Variants in HMCN1 observed in about 807,000 individuals in gnomAD.
HMCN1 encodes the protein hemicentin-1.
Under a neutral mutation model 625.9 loss-of-function variants are expected in HMCN1, and 321 were observed. The ratio of observed to expected loss-of-function variants is 0.51; its 90% CI spans 0.47 to 0.56. The LOEUF (loss-of-function observed/expected upper bound fraction) is 0.56, where lower values mean the gene tolerates loss of function less well. Ranked by LOEUF, HMCN1 falls within the 20% of genes least tolerant of loss-of-function variation. HMCN1 has a pLI of 0.00. For missense variants in HMCN1, 6,588 were observed against 6,887.3 expected, an observed-to-expected ratio of 0.96 and a Z score of 1.54; for synonymous variants, 2,425 against 2,417.6, an observed-to-expected ratio of 1.00 and a Z score of -0.09.
intron 91 of HMCN1, 122 bp downstream of exon 91, chr1:186,144,825 T>A: frequency 8.7e-7 from 1 of 1,149,824 alleles, no homozygotes; most frequent in South Asian, 1.3e-5. Context: ...GATGTCAGAA[T>A]GTTGTAAGGT....
intron 35 of HMCN1, among the ~76,000 whole-genome samples, chr1:186,021,268 G>A (rs1233947704): frequency 1.3e-5 from 2 of 152,180 alleles, no homozygotes; most frequent in South Asian, 4.2e-4. Flanking sequence ...TGCATGGCTA[G>A]TGTTGCCATA....
rs1442901553 is a variant in HMCN1, at chr1:185,734,536, A to C, written c.-244A>C. The C allele has an allele frequency of 1.9e-6, 1 of 515,548 alleles. No individual in the cohort carries two copies. Among genetic ancestry groups the C allele is most frequent in the Non-Finnish European group, 3.5e-6 (1 of 287,218 alleles). 31.9% of individuals were successfully genotyped at this position (515,548 alleles called of 1,614,324 possible). A position where few individuals can be genotyped will look rare whatever the true frequency, so the allele number is the denominator to read the frequency against. ...CAGGCTGTCCAGGGCCCGCGGGCAGATAGCAGTCCAGGAGGAAGCCGCATC... is the reference window on the plus strand; with the variant it reads ...CAGGCTGTCCAGGGCCCGCGGGCAGCTAGCAGTCCAGGAGGAAGCCGCATC... On this transcript the variant is annotated 5_prime_UTR_variant, in exon 1 of 107. Coordinates refer to ENST00000271588, the MANE Select transcript of HMCN1 (RefSeq NM_031935.3).
At chr1:185,960,101 A>C (rs1222540994) in intron 11 of HMCN1, among the ~76,000 whole-genome samples, 2 of 150,498 alleles carry the variant, frequency 1.3e-5, no homozygotes, top group Non-Finnish European at 3.0e-5. Flanking sequence ...TCATGTTCTA[A>C]GTATCTTATC....
At chr1:186,141,985 CTG>C (rs1649993388) in intron 89 of HMCN1, among the ~76,000 whole-genome samples, 1 of 152,140 alleles carries the variant, frequency 6.6e-6, no homozygotes, top group Non-Finnish European at 1.5e-5. Flanking sequence ...ACTAATCCCT[CTG>C]TAGTTTTTTA....
chr1:185,748,582 G>A (rs11583867), intron 1 of HMCN1, among the ~76,000 whole-genome samples: 36,466 of 151,996 alleles, frequency 0.24, 4,641 homozygotes, highest in Non-Finnish European at 0.28. Flanking sequence ...AAAATTAACA[G>A]GGGATTTGAT....
In HMCN1 at chr1:186,136,362, T is replaced by G. The variant is rs764032614; in HGVS notation, c.13313-306T>G. On this transcript the variant is annotated intron_variant, in intron 86 of 106. Coordinates refer to ENST00000271588, the MANE Select transcript of HMCN1 (RefSeq NM_031935.3). ...GGAATCCTCTGAAGTAGGCACCATT[T>G]TTAAGGACATGGGGCTCAGAGAGGT... Among the ~76,000 whole-genome samples, 59 of 152,158 alleles carry G rather than the reference T, an allele frequency of 3.9e-4. 1 individual carries two copies. Among genetic ancestry groups the G allele is most frequent in the Non-Finnish European group, 1.8e-4 (12 of 68,034 alleles).
At chr1:185,983,165 C>T (rs895074632) in intron 18 of HMCN1, among the ~76,000 whole-genome samples, 7 of 151,828 alleles carry the variant, frequency 4.6e-5, no homozygotes, top group Non-Finnish European at 8.8e-5. Context: ...CATTGTTTTT[C>T]GGTGTAAAAT....
At position 185,868,022 on chromosome 1, in the gene HMCN1, CCA is replaced by C. The variant is rs1433231694; in HGVS notation, c.621+2163_621+2164del. ...AGGTGGAGGTTGCAGTGAGCTGAGA[CCA>C]CACCACCGCACTCCAGCCTGGGCAA... is the stretch of plus-strand genomic sequence containing the variant. On this transcript the variant is annotated intron_variant, in intron 4 of 106. Transcript: ENST00000271588. Among the ~76,000 whole-genome samples the C allele has an allele frequency of 1.3e-4, 20 of 151,590 alleles. 1 individual carries two copies. Among genetic ancestry groups the C allele is most frequent in the African/African-American group, 4.6e-4 (19 of 41,220 alleles).
chr1:186,089,717 A>G (rs1659730469), intron 63 of HMCN1, among the ~76,000 whole-genome samples: 1 of 151,988 alleles, frequency 6.6e-6, no homozygotes, highest in Non-Finnish European at 1.5e-5. Flanking sequence ...TAGAAATAGT[A>G]TATGCATATA....
At chr1:185,900,595 C>T (rs891364005) in intron 4 of HMCN1, among the ~76,000 whole-genome samples, 7 of 151,912 alleles carry the variant, frequency 4.6e-5, no homozygotes, top group African/African-American at 1.7e-4. Context: ...ATTTATGCCT[C>T]ATGGAACATC....
At chr1:186,037,434 T>G (rs1393344497) in intron 36 of HMCN1, among the ~76,000 whole-genome samples, 1 of 152,194 alleles carries the variant, frequency 6.6e-6, no homozygotes, top group Non-Finnish European at 1.5e-5. Context: ...TGTGAATAAC[T>G]TAAGTCTAAA....
chr1:185,813,236 A>T (rs1449606185), intron 1 of HMCN1, among the ~76,000 whole-genome samples: 4 of 152,158 alleles, frequency 2.6e-5, no homozygotes, highest in African/African-American at 9.6e-5. Context: ...GCTGCATGGA[A>T]ACAGGGTAAA....
At chr1:185,795,877 C>T (rs990480873) in intron 1 of HMCN1, among the ~76,000 whole-genome samples, 3 of 152,300 alleles carry the variant, frequency 2.0e-5, no homozygotes, top group Non-Finnish European at 2.9e-5. Context: ...ATAGCAGATA[C>T]GTGCTAAAAG....
At chr1:186,036,664 C>T (rs1655847313) in intron 36 of HMCN1, among the ~76,000 whole-genome samples, 1 of 151,366 alleles carries the variant, frequency 6.6e-6, no homozygotes, top group African/African-American at 2.4e-5. Context: ...GATCTCAGCT[C>T]ACTGCAACCT....
intron 102 of HMCN1, among the ~76,000 whole-genome samples, chr1:186,174,264 AG>A (rs1652423817): frequency 6.6e-6 from 1 of 152,192 alleles, no homozygotes; most frequent in Non-Finnish European, 1.5e-5. Flanking sequence ...ATAGAGAAGG[AG>A]AAAAAAAGAA....
intron 41 of HMCN1, 108 bp from the exon 42 acceptor site, chr1:186,048,635 G>T: frequency 2.7e-6 from 2 of 730,054 alleles, no homozygotes; most frequent in Non-Finnish European, 4.8e-6. Context: ...TTTTTTATAT[G>T]TATGTGAATC....
Position 186,103,595 on chromosome 1 carries a change from G to T in HMCN1, c.10697G>T (p.Gly3566Val). The T allele has an allele frequency of 6.2e-7, 1 of 1,613,892 alleles. No individual in the cohort carries two copies. The highest frequency in any genetic ancestry group is 8.5e-7 in the Non-Finnish European group (1 of 1,179,844). The change falls in exon 69 of 107, where the codon GGC becomes GTC. Residue 3566 changes from glycine to valine, a missense_variant. This residue lies in a region of HMCN1 where 4,628 missense variants were observed against 4,853.1 expected (regional missense o/e 0.95). Coordinates refer to ENST00000271588, the MANE Select transcript of HMCN1 (RefSeq NM_031935.3). ...CCTAAAATGACCTGGATGAAAGATG[G>T]CCGGCCCCTTCCACAGACGGATCAA... ...PAPKMTWMKD[G>V]RPLPQTDQVQ...
chr1:185,830,091 GTTGT>G (rs1660764052), intron 1 of HMCN1, among the ~76,000 whole-genome samples: 1 of 151,988 alleles, frequency 6.6e-6, no homozygotes, highest in South Asian at 2.1e-4. Flanking sequence ...TTTTGATAGA[GTTGT>G]TTGTTTTTTT....
chr1:185,917,568 G>A (rs1666780617), intron 6 of HMCN1, among the ~76,000 whole-genome samples: 1 of 152,144 alleles, frequency 6.6e-6, no homozygotes, highest in Non-Finnish European at 1.5e-5. Context: ...TATAGCATTA[G>A]CTGGTCTGAG....
Sources: allele counts gnomAD v4.1 joint callset (sites outside exome capture counted in the v4.1 genomes callset), GRCh38; gene constraint gnomAD v4.1.1; regional missense constraint gnomAD v4.1.1; transcripts MANE v1.5; gene names NCBI Gene and HGNC (gene_info 2026-07-23, HGNC 2026-07-21).